Variants in PRKCE observed in about 807,000 individuals in gnomAD.
The protein encoded by PRKCE is protein kinase C epsilon type.
In PRKCE, 16 loss-of-function variants were observed where a neutral mutation model predicts 85.4. The observed-to-expected ratio is 0.19, with a 90% CI of 0.13 to 0.28. The LOEUF is 0.28. Among genes scored for constraint, PRKCE ranks in the 10% least tolerant of loss-of-function variants. The pLI, the probability that PRKCE is intolerant of heterozygous loss-of-function variation, is 1.00. For synonymous variants in PRKCE, 388 were observed against 371.5 expected (o/e 1.04, Z -0.51); for missense variants, 573 against 975.2 (o/e 0.59, Z 5.49).
intron 11 of PRKCE, among the ~76,000 whole-genome samples, chr2:46,135,404 C>T (rs893565861): frequency 6.6e-6 from 1 of 152,174 alleles, no homozygotes; most frequent in Admixed American, 6.5e-5. Context: ...GCTCACTCAC[C>T]ACCTGTGTGT....
intron 1 of PRKCE, among the ~76,000 whole-genome samples, chr2:45,770,184 G>C (rs1284205937): frequency 1.3e-5 from 2 of 152,224 alleles, no homozygotes; most frequent in Non-Finnish European, 2.9e-5. Context: ...AGCCCTGGGG[G>C]ACACTGTTCT....
At chr2:45,653,672 G>A (rs1001202966) in intron 1 of PRKCE, among the ~76,000 whole-genome samples, 5 of 152,014 alleles carry the variant, frequency 3.3e-5, no homozygotes, top group East Asian at 1.9e-4. Flanking sequence ...TCAAGGACAC[G>A]GAGTTTTAGG....
At chr2:45,912,946 C>G (rs1209512561) in intron 2 of PRKCE, among the ~76,000 whole-genome samples, 1 of 152,082 alleles carries the variant, frequency 6.6e-6, no homozygotes, top group African/African-American at 2.4e-5. Flanking sequence ...TCTGAGGACA[C>G]AGTGGTTCCA....
At chr2:45,951,650 C>G (rs945953496) in intron 2 of PRKCE, among the ~76,000 whole-genome samples, 1 of 152,220 alleles carries the variant, frequency 6.6e-6, no homozygotes, top group Non-Finnish European at 1.5e-5. Context: ...CAATGCAACT[C>G]TGTGCTGGAG....
intron 2 of PRKCE, among the ~76,000 whole-genome samples, chr2:45,954,159 G>A (rs1003725355): frequency 6.6e-6 from 1 of 152,210 alleles, no homozygotes; most frequent in Non-Finnish European, 1.5e-5. Flanking sequence ...CAGGGACTTT[G>A]TGTGGCCCTA....
intron 14 of PRKCE, among the ~76,000 whole-genome samples, chr2:46,169,874 C>T (rs977221833): frequency 5.9e-5 from 9 of 152,120 alleles, no homozygotes; most frequent in East Asian, 5.8e-4. Flanking sequence ...GTATCACAGG[C>T]AGTGAGCTAA....
Position 45,802,947 on chromosome 2 carries a change from C to T in PRKCE, c.349-40053C>T, listed in dbSNP as rs190877204. Among the ~76,000 whole-genome samples, 923 of 152,330 alleles carry T rather than the reference C, an allele frequency of 6.1e-3. 39 individuals carry two copies. The highest frequency in any genetic ancestry group is 0.056 in the Admixed American group (864 of 15,298). ...GCTTCTGGATATGATGCAATGTCAC[C>T]TTTTTACCGAGGAAGGCCCAAGTGT... On this transcript the variant is annotated intron_variant, in intron 1 of 14. Transcript: ENST00000306156.
Position 45,744,500 on chromosome 2 carries a change from T to TTTTCTTTCTTTCTTTCTTTCTTTC in PRKCE, c.348+92056_348+92079dup, listed in dbSNP as rs1173068102. Among the ~76,000 whole-genome samples the TTTTCTTTCTTTCTTTCTTTCTTTC allele has an allele frequency of 5.8e-4, 49 of 84,748 alleles. 2 individuals carry two copies. The highest frequency in any genetic ancestry group is 2.6e-3 in the African/African-American group (45 of 17,464). The allele number at this position is 84,748 out of a possible 152,430, so 55.6% of individuals were successfully genotyped here. A position where few individuals can be genotyped will look rare whatever the true frequency, so the allele number is the denominator to read the frequency against. ...TTCTTTCTTTCTTTTTCTTTCTTTC[T>TTTTCTTTCTTTCTTTCTTTCTTTC]TTTCTTTCTTTCTTTCTTTCTTTCT... is the stretch of plus-strand genomic sequence containing the variant. On this transcript the variant is annotated intron_variant, in intron 1 of 14. Coordinates refer to ENST00000306156, the MANE Select transcript of PRKCE (RefSeq NM_005400.3).
intron 6 of PRKCE, among the ~76,000 whole-genome samples, chr2:45,997,846 C>A (rs777066481): frequency 3.3e-5 from 5 of 152,100 alleles, no homozygotes; most frequent in African/African-American, 7.2e-5. Flanking sequence ...CATACCCGGC[C>A]GGTAAGTTGT....
chr2:45,731,691 A>G (rs1046083599), intron 1 of PRKCE, among the ~76,000 whole-genome samples: 6 of 144,448 alleles, frequency 4.2e-5, no homozygotes, highest in Non-Finnish European at 8.9e-5. Flanking sequence ...TGGTGCAAAC[A>G]TTGCTCCCTG....
rs1332247206 is a variant in PRKCE, at chr2:45,652,688, G to T, written c.348+240G>T. ...TCTGCTCCCTCTGTGCCCTCCAGTTGGTGGGTGCTGCGGGAGGTTTGCAAA... is the reference window on the plus strand; with the variant it reads ...TCTGCTCCCTCTGTGCCCTCCAGTTTGTGGGTGCTGCGGGAGGTTTGCAAA... On this transcript the variant is annotated intron_variant, in intron 1 of 14. Coordinates refer to ENST00000306156, the MANE Select transcript of PRKCE (RefSeq NM_005400.3). This position sits in a 1 kb window ranked among gnomAD's most constrained non-coding sequence, Gnocchi z 7.7. Among the ~76,000 whole-genome samples the T allele has an allele frequency of 6.6e-6, 1 of 152,220 alleles. No individual in the cohort carries two copies. Among genetic ancestry groups the T allele is most frequent in the East Asian group, 1.9e-4 (1 of 5,192 alleles).
intron 6 of PRKCE, among the ~76,000 whole-genome samples, chr2:45,998,815 CCTTT>C (rs1216321333): frequency 6.6e-6 from 1 of 152,104 alleles, no homozygotes; most frequent in Non-Finnish European, 1.5e-5. Flanking sequence ...TTGTTTCTCT[CCTTT>C]CTTAGCGTAT....
intron 1 of PRKCE, among the ~76,000 whole-genome samples, chr2:45,739,438 A>C (rs533475100): frequency 1.2e-4 from 19 of 152,264 alleles, no homozygotes; most frequent in African/African-American, 4.1e-4. Context: ...TGGGGTTTCA[A>C]CTTTCCTTTT....
At chr2:45,782,224 G>A (rs376947562) in intron 1 of PRKCE, among the ~76,000 whole-genome samples, 9 of 152,130 alleles carry the variant, frequency 5.9e-5, no homozygotes, top group African/African-American at 1.2e-4. Flanking sequence ...TCTCGTCCAG[G>A]CCCATCTTCC....
At chr2:45,868,882 T>G (rs1451846633) in intron 2 of PRKCE, among the ~76,000 whole-genome samples, 1 of 149,770 alleles carries the variant, frequency 6.7e-6, no homozygotes, top group East Asian at 2.0e-4. Context: ...CTCTTGAATC[T>G]GGGAGGCAGA....
intron 11 of PRKCE, among the ~76,000 whole-genome samples, chr2:46,144,535 T>C (rs567023190): frequency 3.9e-5 from 6 of 152,330 alleles, no homozygotes; most frequent in South Asian, 4.1e-4. Context: ...CCTTATCTTC[T>C]AACCATGTTT....
intron 6 of PRKCE, among the ~76,000 whole-genome samples, chr2:45,988,006 A>G (rs1703475526): frequency 6.6e-6 from 1 of 152,234 alleles, no homozygotes; most frequent in Non-Finnish European, 1.5e-5. Context: ...AGCATCCCCG[A>G]GCAAGTCCCT....
In PRKCE at chr2:46,046,952, T is replaced by G. The variant is rs1229315232; in HGVS notation, c.1437+36435T>G. Among the ~76,000 whole-genome samples, 3 of 152,190 alleles carry G rather than the reference T, an allele frequency of 2.0e-5. No individual in the cohort carries two copies. In the East Asian group the frequency reaches 5.8e-4, roughly 29 times the overall value. On this transcript the variant is annotated intron_variant, in intron 10 of 14. Coordinates refer to ENST00000306156, the MANE Select transcript of PRKCE (RefSeq NM_005400.3). ...CAGTTCACAGGCAGCTCTTAAAATC[T>G]CATCATGCACAGGAGGACACTGGGC...
At chr2:45,809,880 C>CA (rs113619343) in intron 1 of PRKCE, among the ~76,000 whole-genome samples, 255 of 127,434 alleles carry the variant, frequency 2.0e-3, no homozygotes, top group African/African-American at 4.4e-3. Context: ...GACTCCATCT[C>CA]AAAAAAAAAA....
Sources: allele counts gnomAD v4.1 joint callset (sites outside exome capture counted in the v4.1 genomes callset), GRCh38; gene constraint gnomAD v4.1.1; non-coding constraint Gnocchi (gnomAD v3.1); transcripts MANE v1.5; gene names NCBI Gene and HGNC (gene_info 2026-07-23, HGNC 2026-07-21).